The following VASP variants were observed in gnomAD, a reference collection of about 807,000 sequenced individuals.
The protein encoded by VASP is vasodilator stimulated phosphoprotein.
VASP carries 27 observed loss-of-function variants against 54.4 expected under a neutral mutation model. The ratio of observed to expected loss-of-function variants is 0.50; its 90% confidence interval spans 0.37 to 0.68. The LOEUF is 0.68. Ranked by LOEUF, VASP falls within the 30% of genes least tolerant of loss-of-function variation. The probability of loss-of-function intolerance (pLI) is 0.00; values close to 1 mark genes in which losing one functional copy is unlikely to be tolerated. For synonymous variants in VASP, 233 were observed against 209.8 expected (o/e 1.11, Z -0.96); for missense variants, 488 against 528.3 (o/e 0.92, Z 0.75).
rs777061201 is a variant in VASP at position 45,523,249 on chromosome 19, C to CTGGAGTG, written c.822-394_822-388dup. Among the ~76,000 whole-genome samples the CTGGAGTG allele has an allele frequency of 2.4e-5, 3 of 123,324 alleles. No homozygotes were observed. The East Asian group carries it at 7.6e-4, about 31-fold the overall frequency. The allele number at this position is 123,324 out of a possible 152,430, so 80.9% of individuals were successfully genotyped here. On this transcript the variant is annotated intron_variant, in intron 7 of 12. Transcript: ENST00000245932. ...ATGGAGTCTTGCTCTGTCACCCAGG[C>CTGGAGTG]TGGAGTGCAGTGGTATGATCTCGGT...
intron 6 of VASP, 21 bp downstream of exon 6, chr19:45,522,602 G>T: frequency 1.3e-6 from 2 of 1,492,832 alleles, no homozygotes; most frequent in East Asian, 2.3e-5. Flanking sequence ...GGGAGAGGTG[G>T]GCAGGGGGCA....
intron 1 of VASP, among the ~76,000 whole-genome samples, chr19:45,514,809 G>A (rs1968670805): frequency 6.6e-6 from 1 of 152,184 alleles, no homozygotes; most frequent in Admixed American, 6.5e-5. Flanking sequence ...CCCCGAGGCT[G>A]TGTTTGTCTG....
rs149263798 is a variant in VASP, at chr19:45,518,030, C to T, written c.279C>T (p.Phe93=). 335 of 1,613,956 alleles carry T rather than the reference C, an allele frequency of 2.1e-4. 1 individual carries two copies. The highest frequency in any genetic ancestry group is 2.5e-4 in the Non-Finnish European group (298 of 1,180,010). The part of the protein sequence containing the change: ...RDARQVWGLN[F]GSKEDAAQFA... Reference sequence around the variant, plus strand: ...CTCGCCAGGTCTGGGGCCTCAACTTCGGCAGCAAGGAGGATGCGGCCCAGT... The same window carrying T: ...CTCGCCAGGTCTGGGGCCTCAACTTTGGCAGCAAGGAGGATGCGGCCCAGT... The change falls in exon 3 of 13, where the codon TTC becomes TTT. Residue 93 remains phenylalanine, a synonymous_variant. Coordinates refer to ENST00000245932, the MANE Select transcript of VASP (RefSeq NM_003370.4).
Position 45,523,189 on chromosome 19 carries a change from A to ATTTTTTTTTTTTTTTTTTTT in VASP, c.821+371_821+372insTTTTTTTTTTTTTTTTTTTT, listed in dbSNP as rs1568390471. Among the ~76,000 whole-genome samples the ATTTTTTTTTTTTTTTTTTTT allele has an allele frequency of 2.8e-5, 3 of 106,970 alleles. 1 individual carries two copies. The highest frequency in any genetic ancestry group is 4.0e-5 in the African/African-American group (1 of 24,708). The allele number at this position is 106,970 out of a possible 152,430, so 70.2% of individuals were successfully genotyped here. A position where few individuals can be genotyped will look rare whatever the true frequency, so the allele number is the denominator to read the frequency against. ...CTGATTCTAGAACCACAATCTCTTG[A>ATTTTTTTTTTTTTTTTTTTT]ATTTTTTTTTTTTTTTTTTTTTTTT... On this transcript the variant is annotated intron_variant, in intron 7 of 12. Transcript: ENST00000245932.
At chr19:45,514,359 G>A (rs1968659650) in intron 1 of VASP, among the ~76,000 whole-genome samples, 2 of 151,568 alleles carry the variant, frequency 1.3e-5, no homozygotes, top group African/African-American at 4.9e-5. Context: ...AAGAAGAAGA[G>A]ACATCCCACC....
At chr19:45,517,905 C>T in intron 2 of VASP, 24 bp from the exon 3 acceptor site, 2 of 1,602,448 alleles carry the variant, frequency 1.2e-6, no homozygotes, top group Non-Finnish European at 1.7e-6. Flanking sequence ...CGCCGCCCCT[C>T]ACCCCCCTTT....
intron 1 of VASP, among the ~76,000 whole-genome samples, chr19:45,513,627 C>T (rs967700679): frequency 3.3e-5 from 5 of 152,044 alleles, no homozygotes; most frequent in Admixed American, 2.0e-4. Context: ...GCCACCATGC[C>T]TGGCTAATTT....
At chr19:45,523,189 AATTTTTTTTTTTT>A (rs1968881981) in intron 7 of VASP, among the ~76,000 whole-genome samples, 1 of 106,970 alleles carries the variant, frequency 9.3e-6, no homozygotes, top group Non-Finnish European at 1.8e-5. Flanking sequence ...CAATCTCTTG[AATTTTTTTTTTTT>A]TTTTTTTTTT....
intron 11 of VASP, among the ~76,000 whole-genome samples, chr19:45,525,564 T>G (rs1330830676): frequency 6.6e-6 from 1 of 151,964 alleles, no homozygotes; most frequent in Non-Finnish European, 1.5e-5. Flanking sequence ...CTGGGCCTTG[T>G]GGGGGGCACC....
At chr19:45,522,132 C>T in intron 4 of VASP, 36 bp from the exon 5 acceptor site, 1 of 1,612,596 alleles carries the variant, frequency 6.2e-7, no homozygotes, top group Non-Finnish European at 8.5e-7. Flanking sequence ...TCCTTAGGGC[C>T]CTGATTGACG....
intron 4 of VASP, 36 bp from the exon 5 acceptor site, chr19:45,522,132 C>A: frequency 1.2e-6 from 2 of 1,612,596 alleles, no homozygotes; most frequent in East Asian, 2.2e-5. Context: ...TCCTTAGGGC[C>A]CTGATTGACG....
chr19:45,522,123 C>T (rs370687067), intron 4 of VASP, 45 bp from the exon 5 acceptor site: 208 of 1,612,034 alleles, frequency 1.3e-4, no homozygotes, highest in Non-Finnish European at 1.7e-4. Flanking sequence ...CGCTGGCCAT[C>T]CTTAGGGCCC....
intron 1 of VASP, among the ~76,000 whole-genome samples, chr19:45,515,578 C>T (rs1968685678): frequency 6.6e-6 from 1 of 152,096 alleles, no homozygotes; most frequent in Admixed American, 6.5e-5. Context: ...ACTCTGTCGC[C>T]CAGGCTGGAG....
Position 45,522,739 on chromosome 19 carries a change from C to T in VASP, c.742C>T (p.Pro248Ser). 1 of 1,602,854 alleles carries T rather than the reference C, an allele frequency of 6.2e-7. No homozygotes were observed. Reference protein sequence around the residue: ...VSKQEEASGGPTAPKAESGRS... With the variant: ...VSKQEEASGGSTAPKAESGRS... ...CCAGCAGGAGGAGGCCTCAGGGGGG[C>T]CCACAGCCCCCAAAGCTGAGAGTGG... The change falls in exon 7 of 13, where the codon CCC (proline) becomes TCC (serine). Residue 248 changes from proline (P) to serine (S), a missense_variant. By Grantham distance (74) the Pro-to-Ser change is moderately conservative. Transcript: ENST00000245932.
rs142044424 is a variant in VASP, at chr19:45,514,751, C to T, written c.6-2912C>T. The stretch of plus-strand genomic sequence containing the variant: ...TGTGGGTGGCAGGTGTGGGTGAGGC[C>T]GAGGCCTTAACCCTGCCTTGCCAGG... On this transcript the variant is annotated intron_variant, in intron 1 of 12. Coordinates refer to ENST00000245932, the MANE Select transcript of VASP (RefSeq NM_003370.4). 3.6e-3 allele frequency among the ~76,000 whole-genome samples: 550 copies of T among 152,118 alleles called. 2 individuals are homozygous for T. Among genetic ancestry groups the T allele is most frequent in the African/African-American group, 0.012 (513 of 41,506 alleles).
intron 3 of VASP, among the ~76,000 whole-genome samples, chr19:45,520,656 G>C (rs556224782): frequency 1.3e-5 from 2 of 152,300 alleles, no homozygotes; most frequent in South Asian, 4.1e-4. Flanking sequence ...CCAAGTGGCT[G>C]TAACAGTGGT....
At position 45,525,992 on chromosome 19, in the gene VASP, A is replaced by G. The variant is rs1968955752; in HGVS notation, c.1094A>G (p.Glu365Gly). The G allele has an allele frequency of 6.2e-7, 1 of 1,614,004 alleles. No homozygotes were observed. The highest frequency in any genetic ancestry group is 8.5e-7 in the Non-Finnish European group (1 of 1,179,988). ...AAGGAATTGCAGAAAGTGAAAGAGG[A>G]AATCATTGAAGGTGAGGTGGTTTGC... is the stretch of plus-strand genomic sequence containing the variant. ...VKKELQKVKE[E>G]IIEAFVQELR... Residue 365 changes from glutamate to glycine, a missense_variant, in exon 12 of 13, where the codon GAA (glutamate) becomes GGA (glycine). Around this residue, in one of 4 missense-constraint regions of VASP, gnomAD observed 126 missense variants for 134.8 expected, o/e 0.94. Coordinates refer to ENST00000245932, the MANE Select transcript of VASP (RefSeq NM_003370.4).
At position 45,518,024 on chromosome 19, in the gene VASP, C is replaced by T. The variant is rs762901373; in HGVS notation, c.273C>T (p.Leu91=). 1 of 1,613,846 alleles carries T rather than the reference C, an allele frequency of 6.2e-7. No homozygotes were observed. The highest frequency in any genetic ancestry group is 1.3e-5 in the African/African-American group (1 of 74,928). Residue 91 remains leucine, a synonymous_variant, in exon 3 of 13, where the codon CTC becomes CTT. Coordinates refer to ENST00000245932, the MANE Select transcript of VASP (RefSeq NM_003370.4). ...GCGACGCTCGCCAGGTCTGGGGCCT[C>T]AACTTCGGCAGCAAGGAGGATGCGG... The part of the protein sequence containing the change: ...QWRDARQVWG[L]NFGSKEDAAQ...
chr19:45,516,181 G>C (rs994362458), intron 1 of VASP, among the ~76,000 whole-genome samples: 4 of 152,214 alleles, frequency 2.6e-5, no homozygotes, highest in African/African-American at 9.6e-5. Flanking sequence ...ACCGTCTGGG[G>C]ACAGCTGTGT....
Sources: gnomAD v4.1 joint callset for allele counts (sites outside exome capture counted in the v4.1 genomes callset) on GRCh38, gnomAD v4.1.1 for gene constraint, gnomAD v4.1.1 regional missense constraint, MANE v1.5 for transcripts, NCBI Gene and HGNC (gene_info 2026-07-23, HGNC 2026-07-21) for gene names.